The following CNBD1 variants were observed in gnomAD, a reference collection of about 807,000 sequenced individuals.
CNBD1 encodes cyclic nucleotide-binding domain-containing protein 1.
In CNBD1, 71 loss-of-function variants were observed where a neutral mutation model predicts 54.4. The ratio of observed to expected loss-of-function variants is 1.30; its 90% CI spans 1.08 to 1.59. CNBD1 has a LOEUF of 1.59. Among genes scored for constraint, CNBD1 ranks in the 40% most tolerant of loss-of-function variants. The pLI is 0.00. For synonymous variants in CNBD1, 182 were observed against 170.7 expected, an observed-to-expected ratio of 1.07 and a Z score of -0.51; for missense variants, 659 against 518.0, an observed-to-expected ratio of 1.27 and a Z score of -2.64.
At chr8:87,421,434 C>A (rs1307786682) in intron 2 of CNBD1, among the ~76,000 whole-genome samples, 1 of 124,644 alleles carries the variant, frequency 8.0e-6, no homozygotes, top group Non-Finnish European at 1.7e-5. Flanking sequence ...CCTCCCCCCA[C>A]CCCACAACAG....
chr8:86,886,724 T>C (rs1411565856), intron 1 of CNBD1, among the ~76,000 whole-genome samples: 1 of 152,204 alleles, frequency 6.6e-6, no homozygotes, highest in Non-Finnish European at 1.5e-5. Flanking sequence ...GTTTGAGAAA[T>C]ACATTAAACC....
rs200143757 is a variant in CNBD1 at position 86,965,581 on chromosome 8, C to CA, written c.431+25836dup. Among the ~76,000 whole-genome samples, 408 of 149,808 alleles carry CA rather than the reference C, an allele frequency of 2.7e-3. 2 individuals are homozygous for CA. The highest frequency in any genetic ancestry group is 8.7e-3 in the African/African-American group (355 of 40,840). Reference sequence around the variant, plus strand: ...TGGCTATTATGGAGTTTAGAGACTCCAAAAAAAAAGGACAGAAAGCAAATT... The same window carrying CA: ...TGGCTATTATGGAGTTTAGAGACTCCAAAAAAAAAAGGACAGAAAGCAAATT... On this transcript the variant is annotated intron_variant, in intron 4 of 10. Coordinates refer to ENST00000518476, the MANE Select transcript of CNBD1 (RefSeq NM_173538.3).
intron 10 of CNBD1, among the ~76,000 whole-genome samples, chr8:87,362,083 C>A (rs939782680): frequency 3.3e-5 from 5 of 152,018 alleles, no homozygotes; most frequent in African/African-American, 1.2e-4. Context: ...ACCATGCTTA[C>A]TTAAAATCTA....
chr8:87,264,379 T>G (rs1287972628), intron 6 of CNBD1, among the ~76,000 whole-genome samples: 2 of 152,208 alleles, frequency 1.3e-5, no homozygotes. Flanking sequence ...GTGCCACATT[T>G]TCTTAATCCA....
chr8:87,357,857 G>A (rs1810451241), intron 10 of CNBD1, among the ~76,000 whole-genome samples: 3 of 152,132 alleles, frequency 2.0e-5, no homozygotes, highest in Non-Finnish European at 1.5e-5. Context: ...CATTGTTAGA[G>A]GTGGGGACTG....
At chr8:87,334,892 T>G (rs1444119155) in intron 8 of CNBD1, among the ~76,000 whole-genome samples, 5 of 151,774 alleles carry the variant, frequency 3.3e-5, no homozygotes, top group Admixed American at 1.3e-4. Flanking sequence ...CCCAGCTAAT[T>G]TTTTGTACTT....
At chr8:87,264,679 G>A (rs540800155) in intron 6 of CNBD1, among the ~76,000 whole-genome samples, 317 of 152,076 alleles carry the variant, frequency 2.1e-3, no homozygotes, top group Non-Finnish European at 3.4e-3. Context: ...TGACTTTTTA[G>A]TGATCGCCAT....
intron 10 of CNBD1, among the ~76,000 whole-genome samples, chr8:87,371,146 T>A (rs1209667154): frequency 6.6e-6 from 1 of 151,840 alleles, no homozygotes; most frequent in East Asian, 1.9e-4. Context: ...TAGTATAGTT[T>A]GAAGTCAGGT....
At chr8:87,221,037 C>T (rs1312689125) in intron 5 of CNBD1, among the ~76,000 whole-genome samples, 1 of 151,978 alleles carries the variant, frequency 6.6e-6, no homozygotes, top group Non-Finnish European at 1.5e-5. Flanking sequence ...AGCAGGCTGC[C>T]CCTTTTCTTT....
At chr8:87,156,283 C>T (rs1467517185) in intron 4 of CNBD1, among the ~76,000 whole-genome samples, 2 of 45,882 alleles carry the variant, frequency 4.4e-5, no homozygotes, top group African/African-American at 1.4e-4. Context: ...GTCACTCTGT[C>T]ACCCAGGCTG....
intron 6 of CNBD1, among the ~76,000 whole-genome samples, chr8:87,238,468 G>C (rs900773275): frequency 2.0e-5 from 3 of 152,056 alleles, no homozygotes; most frequent in African/African-American, 7.2e-5. Context: ...CTCTGTAACA[G>C]GTGACCATGA....
At chr8:87,319,936 C>A (rs1222465829) in intron 8 of CNBD1, among the ~76,000 whole-genome samples, 1 of 151,962 alleles carries the variant, frequency 6.6e-6, no homozygotes, top group South Asian at 2.1e-4. Context: ...AAAATTTTAT[C>A]TTTTCCCGTC....
chr8:86,956,168 C>G (rs1218687791), intron 4 of CNBD1, among the ~76,000 whole-genome samples: 5 of 151,970 alleles, frequency 3.3e-5, no homozygotes, highest in African/African-American at 7.3e-5. Flanking sequence ...TCTGAGGGCT[C>G]TGTTCTGTTC....
chr8:86,894,035 A>ATTTTTTT lies in CNBD1; in HGVS notation c.158+6455_158+6461dup, dbSNP rs869060076. On this transcript the variant is annotated intron_variant, in intron 2 of 10. Coordinates refer to ENST00000518476, the MANE Select transcript of CNBD1 (RefSeq NM_173538.3). ...TTTATTCATATATTTTAATAGATTA[A>ATTTTTTT]TTTTTTTTTTTTTTTTTTTTTTTTT... 4.5e-3 allele frequency among the ~76,000 whole-genome samples: 236 copies of ATTTTTTT among 52,368 alleles called. 64 individuals carry two copies. Among genetic ancestry groups the ATTTTTTT allele is most frequent in the Non-Finnish European group, 5.5e-3 (153 of 28,066 alleles). The allele number at this position is 52,368 out of a possible 152,430, so 34.4% of individuals were successfully genotyped here.
At chr8:87,323,174 T>A (rs942566594) in intron 8 of CNBD1, among the ~76,000 whole-genome samples, 11 of 124,208 alleles carry the variant, frequency 8.9e-5, no homozygotes, top group Non-Finnish European at 1.6e-4. Flanking sequence ...ATCTCTGTTT[T>A]GGTACCAGTA....
intron 5 of CNBD1, among the ~76,000 whole-genome samples, chr8:87,230,247 C>T (rs1406201863): frequency 6.6e-6 from 1 of 152,160 alleles, no homozygotes; most frequent in Non-Finnish European, 1.5e-5. Context: ...CCAATCACCT[C>T]CCACGGAGGC....
intron 6 of CNBD1, among the ~76,000 whole-genome samples, chr8:87,242,121 A>G (rs1454673823): frequency 2.0e-5 from 3 of 152,178 alleles, no homozygotes; most frequent in South Asian, 2.1e-4. Flanking sequence ...AAGACTGACA[A>G]AACACTCTTT....
intron 4 of CNBD1, among the ~76,000 whole-genome samples, chr8:86,943,945 A>G (rs1327210851): frequency 6.6e-6 from 1 of 152,144 alleles, no homozygotes; most frequent in Non-Finnish European, 1.5e-5. Context: ...GGAATCAATC[A>G]GTTACAACTA....
intron 2 of CNBD1, among the ~76,000 whole-genome samples, chr8:87,391,360 C>A (rs114539522): frequency 2.0e-5 from 3 of 152,066 alleles, no homozygotes; most frequent in Non-Finnish European, 2.9e-5. Context: ...AAGCCACAAG[C>A]TAATCCTAAA....
Sources: allele counts gnomAD v4.1 joint callset (sites outside exome capture counted in the v4.1 genomes callset), GRCh38; gene constraint gnomAD v4.1.1; transcripts MANE v1.5; gene names NCBI Gene and HGNC (gene_info 2026-07-23, HGNC 2026-07-21).